The following PCDHA1 variants were observed in gnomAD, a reference collection of about 807,000 sequenced individuals.
The protein encoded by PCDHA1 is protocadherin alpha-1.
A neutral mutation model predicts 61.3 loss-of-function variants in PCDHA1; 42 were observed. The ratio of observed to expected loss-of-function variants is 0.69; its 90% confidence interval spans 0.54 to 0.89. The LOEUF is 0.89. PCDHA1 is among the 40% of genes least tolerant of loss of function. The pLI is 0.00. For synonymous variants in PCDHA1, 610 were observed against 553.8 expected, an observed-to-expected ratio of 1.10 and a Z score of -1.43; for missense variants, 1,256 against 1,235.3, an observed-to-expected ratio of 1.02 and a Z score of -0.25.
intron 1 of PCDHA1, among the ~76,000 whole-genome samples, chr5:140,963,057 A>G (rs1004095673): frequency 1.3e-5 from 2 of 152,186 alleles, no homozygotes; most frequent in African/African-American, 4.8e-5. Context: ...AAGGGTTTCT[A>G]CATTGTGAAG....
chr5:140,912,101 A>G (rs781989328), intron 1 of PCDHA1, among the ~76,000 whole-genome samples: 2 of 152,194 alleles, frequency 1.3e-5, no homozygotes, highest in Non-Finnish European at 2.9e-5. Context: ...CAGGAGAAAG[A>G]TGTAGGCTGG....
chr5:140,971,487 C>G (rs1285006281), intron 1 of PCDHA1, among the ~76,000 whole-genome samples: 1 of 152,110 alleles, frequency 6.6e-6, no homozygotes, highest in African/African-American at 2.4e-5. Flanking sequence ...CACATTGTTA[C>G]AGTGTGGCAA....
At chr5:140,856,112 GCC>G (rs2043785671) in intron 1 of PCDHA1, 1 of 1,598,078 alleles carries the variant, frequency 6.3e-7, no homozygotes, top group Non-Finnish European at 8.6e-7. Context: ...TCTCCTCGCA[GCC>G]TGGGAGGTGG....
intron 3 of PCDHA1, among the ~76,000 whole-genome samples, chr5:141,005,799 T>A (rs1207641244): frequency 7.5e-6 from 1 of 133,220 alleles, no homozygotes; most frequent in African/African-American, 2.8e-5. Context: ...CAAAAACAAC[T>A]CCAAGGAGCC....
intron 1 of PCDHA1, chr5:140,864,727 A>T (rs1456631288): frequency 1.3e-5 from 2 of 152,180 alleles, no homozygotes; most frequent in African/African-American, 4.8e-5. Context: ...TTTTGGGAAG[A>T]TTTCTTTGAG....
chr5:140,822,925 G>T (rs1160143508), intron 1 of PCDHA1: 2 of 1,614,144 alleles, frequency 1.2e-6, no homozygotes, highest in East Asian at 4.5e-5. Flanking sequence ...CAACGGGCAG[G>T]TGACCTGCTC....
At chr5:140,951,541 G>C (rs1029557427) in intron 1 of PCDHA1, among the ~76,000 whole-genome samples, 5 of 152,092 alleles carry the variant, frequency 3.3e-5, no homozygotes, top group African/African-American at 1.2e-4. Flanking sequence ...AGGAGCAAGG[G>C]ACGGGGGGAA....
At chr5:140,899,228 T>G (rs1194169721) in intron 1 of PCDHA1, among the ~76,000 whole-genome samples, 1 of 152,126 alleles carries the variant, frequency 6.6e-6, no homozygotes, top group Non-Finnish European at 1.5e-5. Context: ...CAACACTATG[T>G]TGAATAGGAG....
chr5:140,973,974 T>C (rs2096609755), intron 1 of PCDHA1, among the ~76,000 whole-genome samples: 1 of 152,224 alleles, frequency 6.6e-6, no homozygotes. Context: ...TAAATGTGGC[T>C]TTTACAGAAC....
At chr5:140,986,852 A>G (rs889945842) in intron 3 of PCDHA1, among the ~76,000 whole-genome samples, 1 of 152,190 alleles carries the variant, frequency 6.6e-6, no homozygotes, top group Admixed American at 6.5e-5. Flanking sequence ...CAGCAACACC[A>G]ACAATACCCG....
At chr5:140,801,038 A>C in intron 1 of PCDHA1, 1 of 1,431,150 alleles carries the variant, frequency 7.0e-7, no homozygotes, top group Non-Finnish European at 9.1e-7. Flanking sequence ...CTTTCTCCAC[A>C]AAAGAAATAA....
At chr5:140,887,238 C>T (rs1191260946) in intron 1 of PCDHA1, among the ~76,000 whole-genome samples, 11 of 151,856 alleles carry the variant, frequency 7.2e-5, no homozygotes, top group East Asian at 3.9e-4. Flanking sequence ...CTGAGACTAC[C>T]GGCGCCCGCC....
rs1554125129 is a variant in PCDHA1, at chr5:140,809,304, C to A, written c.2394+20620C>A. 4 of 1,614,122 alleles carry A rather than the reference C, an allele frequency of 2.5e-6. No individual in the cohort carries two copies. In the Admixed American group the frequency reaches 6.7e-5, roughly 27 times the overall value. On this transcript the variant is annotated intron_variant, in intron 1 of 3. Coordinates refer to ENST00000504120, the MANE Select transcript of PCDHA1 (RefSeq NM_018900.4). ...GTATACCTGATCATTGCCATCTGCGCGGTGTCCAGCCTTTTGGTGCTCACG... is the reference window on the plus strand; with the variant it reads ...GTATACCTGATCATTGCCATCTGCGAGGTGTCCAGCCTTTTGGTGCTCACG...
At chr5:140,806,786 A>G (rs781855345) in intron 1 of PCDHA1, 22 of 198,436 alleles carry the variant, frequency 1.1e-4, no homozygotes, top group Non-Finnish European at 2.3e-4. Context: ...CCTGTGTTGA[A>G]AAAATTATTT....
At position 140,982,472 on chromosome 5, in the gene PCDHA1, C is replaced by T; in HGVS notation, c.2454-3C>T. The stretch of plus-strand genomic sequence containing the variant: ...CGTTATCTGGGTCTGTGTGTTTATT[C>T]AGCTCTGTGCACCTAGAGGAGGCTG... On this transcript the variant is annotated splice_polypyrimidine_tract_variant and splice_region_variant and intron_variant, in intron 2 of 3. Transcript: ENST00000504120. The T allele has an allele frequency of 3.1e-6, 5 of 1,614,144 alleles. No individual in the cohort carries two copies. Among genetic ancestry groups the T allele is most frequent in the Non-Finnish European group, 4.2e-6 (5 of 1,180,022 alleles).
chr5:140,809,499 C>A, intron 1 of PCDHA1: 1 of 1,614,218 alleles, frequency 6.2e-7, no homozygotes, highest in Non-Finnish European at 8.5e-7. Context: ...GACCTCATGG[C>A]CTTCAGCCCC....
intron 1 of PCDHA1, among the ~76,000 whole-genome samples, chr5:140,889,584 CT>C (rs1192659128): frequency 1.3e-5 from 2 of 151,792 alleles, no homozygotes; most frequent in Non-Finnish European, 2.9e-5. Context: ...TTTGTTTTTG[CT>C]TTGAAATATT....
Position 140,829,995 on chromosome 5 carries a change from G to T in PCDHA1, c.2394+41311G>T, listed in dbSNP as rs1297305883. On this transcript the variant is annotated intron_variant, in intron 1 of 3. Transcript: ENST00000504120. ...TACACGGGCGAGATCAGCACCACTCGTGTCCTGGACGAAGCGGACTCTCCG... is the reference window on the plus strand; with the variant it reads ...TACACGGGCGAGATCAGCACCACTCTTGTCCTGGACGAAGCGGACTCTCCG... 3 of 1,613,866 alleles carry T rather than the reference G, an allele frequency of 1.9e-6. No homozygotes were observed. In the African/African-American group the frequency reaches 4.0e-5, roughly 22 times the overall value.
intron 1 of PCDHA1, among the ~76,000 whole-genome samples, chr5:140,974,022 A>G (rs1348109814): frequency 2.0e-5 from 3 of 152,248 alleles, no homozygotes; most frequent in African/African-American, 4.8e-5. Context: ...TGATAATACA[A>G]CTATAAATTT....
Sources: gnomAD v4.1 joint callset for allele counts (sites outside exome capture counted in the v4.1 genomes callset) on GRCh38, gnomAD v4.1.1 for gene constraint, MANE v1.5 for transcripts, NCBI Gene and HGNC (gene_info 2026-07-23, HGNC 2026-07-21) for gene names.